Variants in C12orf56 observed in about 807,000 individuals in gnomAD.
The protein encoded by C12orf56 is chromosome 12 open reading frame 56, also known as uncharacterized protein C12orf56.
In C12orf56, 71 loss-of-function variants were observed where a neutral mutation model predicts 69.9. That is an observed-to-expected ratio of 1.02 (90% CI 0.84 to 1.24). The LOEUF is 1.24. Among genes scored for constraint, C12orf56 ranks in the 50% most tolerant of loss-of-function variants. The probability of loss-of-function intolerance (pLI) is 0.00; values close to 1 mark genes in which losing one functional copy is unlikely to be tolerated. For missense variants in C12orf56, 732 were observed against 738.5 expected (o/e 0.99, Z 0.10); for synonymous variants, 276 against 274.1 (o/e 1.01, Z -0.07).
chr12:64,345,732 C>A (rs1317871640), intron 2 of C12orf56, among the ~76,000 whole-genome samples: 1 of 152,164 alleles, frequency 6.6e-6, no homozygotes, highest in Non-Finnish European at 1.5e-5. Context: ...CTGAGTTTAT[C>A]ATTTTCTTTC....
chr12:64,334,141 C>G (rs2038964713), intron 2 of C12orf56, among the ~76,000 whole-genome samples: 1 of 152,144 alleles, frequency 6.6e-6, no homozygotes. Flanking sequence ...AGAAGGGACA[C>G]TACAAAAATA....
chr12:64,303,939 C>T (rs2038479910), intron 5 of C12orf56, among the ~76,000 whole-genome samples, 160 bp from the exon 6 acceptor site: 1 of 152,166 alleles, frequency 6.6e-6, no homozygotes, highest in Admixed American at 6.5e-5. Context: ...GTGAAACTTG[C>T]TCCCCACAAA....
chr12:64,364,002 TC>T (rs1391619853), intron 1 of C12orf56, among the ~76,000 whole-genome samples: 1 of 151,718 alleles, frequency 6.6e-6, no homozygotes, highest in African/African-American at 2.4e-5. Flanking sequence ...GTTTTTTCTT[TC>T]TTTTTTTTTT....
chr12:64,285,941 A>T lies in C12orf56; in HGVS notation c.1220+13T>A, dbSNP rs1282758650. 3.3e-6 allele frequency: 5 copies of T among 1,522,006 alleles called. No homozygotes were observed. The highest frequency in any genetic ancestry group is 4.5e-6 in the Non-Finnish European group (5 of 1,118,034). 94.3% of individuals were successfully genotyped at this position (1,522,006 alleles called of 1,614,324 possible). A position where few individuals can be genotyped will look rare whatever the true frequency, so the allele number is the denominator to read the frequency against. ...AAAAAAAAAAAATCGATGATTATCT[A>T]GTTAGTACTTACACCAGCTCATCAA... is the stretch of plus-strand genomic sequence containing the variant. On this transcript the variant is annotated intron_variant, in intron 7 of 12. Transcript: ENST00000543942.
chr12:64,309,260 A>C (rs2038574899), intron 5 of C12orf56, among the ~76,000 whole-genome samples: 1 of 152,118 alleles, frequency 6.6e-6, no homozygotes, highest in Non-Finnish European at 1.5e-5. Flanking sequence ...CCAAACAGAA[A>C]TTCTATACCC....
intron 1 of C12orf56, among the ~76,000 whole-genome samples, chr12:64,389,966 C>T (rs375352548): frequency 1.3e-5 from 2 of 152,094 alleles, no homozygotes; most frequent in African/African-American, 4.8e-5. Flanking sequence ...TTGCATCCTC[C>T]GAGTCTAGCA....
intron 4 of C12orf56, among the ~76,000 whole-genome samples, chr12:64,315,486 C>A (rs986888388): frequency 6.6e-6 from 1 of 152,060 alleles, no homozygotes; most frequent in African/African-American, 2.4e-5. Context: ...GCTAAACAAC[C>A]TACGTGTAAC....
rs767070566 is a variant in C12orf56, at chr12:64,270,681, C to G, written c.1618G>C (p.Val540Leu). 1.9e-6 allele frequency: 3 copies of G among 1,612,506 alleles called. No homozygotes were observed. In the South Asian group the frequency reaches 3.3e-5, roughly 18 times the overall value. ...TFVASIVKQV[V>L]RGLSASFQLL... ...TGAAATGAAGCTGAAAGACCCCTCA[C>G]CACTTGTTTCACAATACTGGCCACA... Residue 540 changes from valine to leucine, a missense_variant, in exon 12 of 13, where the codon GTG becomes CTG. Val to Leu is a conservative substitution (Grantham distance 32). Transcript: ENST00000543942.
At chr12:64,275,251 T>TTG in intron 10 of C12orf56, 47 bp downstream of exon 10, 1 of 897,908 alleles carries the variant, frequency 1.1e-6, no homozygotes, top group Non-Finnish European at 1.7e-6. Context: ...GTCATGTAAT[T>TTG]TATAGTTACA....
intron 6 of C12orf56, among the ~76,000 whole-genome samples, chr12:64,297,157 T>C (rs1432372929): frequency 6.6e-6 from 1 of 152,186 alleles, no homozygotes; most frequent in Non-Finnish European, 1.5e-5. Flanking sequence ...GAAAAACCAC[T>C]GCTTTAGCTT....
intron 1 of C12orf56, among the ~76,000 whole-genome samples, chr12:64,358,481 T>TC (rs1354362491): frequency 0.017 from 1,540 of 88,706 alleles, 10 homozygotes; most frequent in Middle Eastern, 0.049. Flanking sequence ...ATAATAATAA[T>TC]AATCATCATC....
chr12:64,321,982 A>C (rs987140164), intron 3 of C12orf56, among the ~76,000 whole-genome samples: 1 of 148,152 alleles, frequency 6.7e-6, no homozygotes, highest in Non-Finnish European at 1.5e-5. Flanking sequence ...CTTTTCATTA[A>C]TTTTTTTTTA....
Position 64,390,531 on chromosome 12 carries a change from C to A in C12orf56, c.35G>T (p.Arg12Leu). ...GAACACATCCAGGCGGCTGTTCCTG[C>A]GCGCGGGGAAGCCGGACGGCAAGGG... ...ASPLPSGFPA[R>L]RNSRLDVFLR... Residue 12 changes from arginine to leucine, a missense_variant, in exon 1 of 13, where the codon CGC becomes CTC. Physicochemically the swap from Arg to Leu is moderately radical, Grantham distance 102. Coordinates refer to ENST00000543942, the MANE Select transcript of C12orf56 (RefSeq NM_001170633.2). 1 of 1,596,108 alleles carries A rather than the reference C, an allele frequency of 6.3e-7. No homozygotes were observed. The highest frequency in any genetic ancestry group is 1.1e-5 in the South Asian group (1 of 90,940).
intron 1 of C12orf56, among the ~76,000 whole-genome samples, chr12:64,377,352 C>G (rs1310751123): frequency 6.6e-6 from 1 of 151,862 alleles, no homozygotes; most frequent in Non-Finnish European, 1.5e-5. Flanking sequence ...CCACCCCCAG[C>G]TAATTTTTTT....
intron 3 of C12orf56, among the ~76,000 whole-genome samples, chr12:64,328,706 A>AAAAATAT (rs1555190164): frequency 6.6e-5 from 1 of 15,114 alleles, no homozygotes; most frequent in Non-Finnish European, 1.3e-4. Context: ...AAAAAAAAAA[A>AAAAATAT]ATATATATAT....
Position 64,381,231 on chromosome 12 carries a change from G to A in C12orf56, c.252+9083C>T, listed in dbSNP as rs533429266. On this transcript the variant is annotated intron_variant, in intron 1 of 12. Transcript: ENST00000543942. ...TACCCTGAGTCAGTTCCTGGGTGGG[G>A]GCAATAAGATCAGACAACTCAGTTT... is the stretch of plus-strand genomic sequence containing the variant. Among the ~76,000 whole-genome samples, 6 of 152,140 alleles carry A rather than the reference G, an allele frequency of 3.9e-5. No individual in the cohort carries two copies. In the South Asian group the frequency reaches 1.0e-3, roughly 26 times the overall value.
chr12:64,381,900 G>A lies in C12orf56; in HGVS notation c.252+8414C>T, dbSNP rs369902020. On this transcript the variant is annotated intron_variant, in intron 1 of 12. Coordinates refer to ENST00000543942, the MANE Select transcript of C12orf56 (RefSeq NM_001170633.2). The stretch of plus-strand genomic sequence containing the variant: ...AAAACCAAGGAGGAATGGATTTGGG[G>A]GTGGAAATGAGCAATTGTGTTTTTG... 2.2e-4 allele frequency among the ~76,000 whole-genome samples: 33 copies of A among 152,278 alleles called. 1 individual carries two copies. In the South Asian group the frequency reaches 6.8e-3, roughly 32 times the overall value.
chr12:64,323,975 AT>A (rs1474186656), intron 3 of C12orf56, among the ~76,000 whole-genome samples: 3 of 152,160 alleles, frequency 2.0e-5, no homozygotes, highest in African/African-American at 7.2e-5. Context: ...AATCCTTCCA[AT>A]TACAAAGACC....
intron 6 of C12orf56, among the ~76,000 whole-genome samples, chr12:64,297,545 G>A (rs762412149): frequency 2.0e-5 from 3 of 151,934 alleles, no homozygotes; most frequent in South Asian, 2.1e-4. Context: ...TCCCCCGTCC[G>A]CCGACAGGCC....
Sources: allele counts gnomAD v4.1 joint callset (sites outside exome capture counted in the v4.1 genomes callset), GRCh38; gene constraint gnomAD v4.1.1; transcripts MANE v1.5; gene names NCBI Gene and HGNC (gene_info 2026-07-23, HGNC 2026-07-21).